Variants in COG3 observed in about 807,000 individuals in gnomAD.
The protein encoded by COG3 is conserved oligomeric Golgi complex subunit 3.
Under a neutral mutation model 114.1 loss-of-function variants are expected in COG3, and 32 were observed. The ratio of observed to expected loss-of-function variants is 0.28; its 90% CI spans 0.21 to 0.38. The LOEUF (loss-of-function observed/expected upper bound fraction) is 0.38. COG3 is among the 10% of genes least tolerant of loss of function. The probability of loss-of-function intolerance (pLI) is 1.00; values close to 1 mark genes in which losing one functional copy is unlikely to be tolerated. For missense variants in COG3, 813 were observed against 973.2 expected (o/e 0.84, Z 2.19); for synonymous variants, 352 against 365.7 (o/e 0.96, Z 0.43).
rs991887383 is a variant in COG3 at position 45,496,097 on chromosome 13, AAAAG to A, written c.1328-50_1328-47del. The A allele has an allele frequency of 4.6e-6, 7 of 1,535,858 alleles. No homozygotes were observed. In the Admixed American group the frequency reaches 1.3e-4, roughly 28 times the overall value. On this transcript the variant is annotated intron_variant, in intron 12 of 22. Coordinates refer to ENST00000349995, the MANE Select transcript of COG3 (RefSeq NM_031431.4). Reference sequence around the variant, plus strand: ...AATTTAGTAACATCTTTGCTTGTTTAAAAGAAAGTGTTTTTCTAAATCTAAAAGA... The same window carrying A: ...AATTTAGTAACATCTTTGCTTGTTTAAAAGTGTTTTTCTAAATCTAAAAGA...
chr13:45,483,774 A>G (rs566806341), intron 7 of COG3, among the ~76,000 whole-genome samples: 2 of 152,316 alleles, frequency 1.3e-5, no homozygotes, highest in Non-Finnish European at 2.9e-5. Context: ...ATAATGCATA[A>G]TTTAAATTTT....
intron 16 of COG3, 82 bp from the exon 17 acceptor site, chr13:45,516,061 T>C (rs532515613): frequency 9.9e-7 from 1 of 1,005,470 alleles, no homozygotes; most frequent in Admixed American, 2.9e-5. Context: ...GGTAGATTAA[T>C]GTTGATTAAT....
chr13:45,510,183 G>T (rs1301899304), intron 15 of COG3, among the ~76,000 whole-genome samples: 1 of 152,184 alleles, frequency 6.6e-6, no homozygotes, highest in East Asian at 1.9e-4. Context: ...GGTTCAAAAG[G>T]AGTATGCATT....
chr13:45,533,428 A>AT (rs1873342512), intron 22 of COG3, among the ~76,000 whole-genome samples: 1 of 151,734 alleles, frequency 6.6e-6, no homozygotes, highest in South Asian at 2.1e-4. Flanking sequence ...CATTTTTCTC[A>AT]TTTTTTCCCT....
In COG3 at chr13:45,496,269, C is replaced by T. The variant is rs146781317; in HGVS notation, c.1445C>T (p.Ala482Val). Residue 482 changes from alanine to valine, a missense_variant, in exon 13 of 23, where the codon GCT (alanine) becomes GTT (valine). Ala to Val is a moderately conservative substitution (Grantham distance 64, BLOSUM62 0). Transcript: ENST00000349995. ...IQTDITGYKPAPGDLAYPDKL... is the reference protein window; with the variant it reads ...IQTDITGYKPVPGDLAYPDKL... ...ACGGACATCACGGGCTATAAACCAG[C>T]TCCTGGAGATCTGGCATATCCCGAT... The T allele has an allele frequency of 8.0e-5, 129 of 1,609,630 alleles. No homozygotes were observed. Among genetic ancestry groups the T allele is most frequent in the Non-Finnish European group, 1.9e-5 (22 of 1,177,478 alleles).
At chr13:45,531,131 A>T in intron 22 of COG3, 1 of 949,496 alleles carries the variant, frequency 1.1e-6, no homozygotes, top group Non-Finnish European at 1.3e-6. Flanking sequence ...TTTTTAAAAA[A>T]ATTTTTGATT....
intron 8 of COG3, among the ~76,000 whole-genome samples, chr13:45,490,330 G>A (rs1189085323): frequency 5.3e-5 from 8 of 152,198 alleles, no homozygotes; most frequent in African/African-American, 1.9e-4. Flanking sequence ...TATTACACCA[G>A]TTTTATACAG....
intron 5 of COG3, 118 bp from the exon 6 acceptor site, chr13:45,482,263 A>G: frequency 1.9e-6 from 1 of 516,592 alleles, no homozygotes; most frequent in Admixed American, 3.9e-5. Context: ...GACTTTTAAA[A>G]TTTATTATAA....
intron 7 of COG3, among the ~76,000 whole-genome samples, chr13:45,486,113 C>T (rs1312262720): frequency 2.3e-5 from 3 of 133,278 alleles, no homozygotes; most frequent in African/African-American, 6.7e-5. Context: ...GGCTGGAGAC[C>T]GGCCCGGCCA....
chr13:45,502,204 A>T (rs571637747), intron 13 of COG3, among the ~76,000 whole-genome samples: 3 of 152,156 alleles, frequency 2.0e-5, no homozygotes, highest in Non-Finnish European at 4.4e-5. Context: ...GATCTAGTGA[A>T]TGGTGCTCCC....
rs1021230241 is a variant in COG3 at position 45,511,746 on chromosome 13, T to C, written c.1720-19T>C. On this transcript the variant is annotated intron_variant, in intron 15 of 22. Coordinates refer to ENST00000349995, the MANE Select transcript of COG3 (RefSeq NM_031431.4). ...TTTGTCAAATGCCACAGGCTGATTA[T>C]TCTCTTTTATTCCACCAGAGGGCAG... The C allele has an allele frequency of 1.3e-6, 2 of 1,595,926 alleles. No individual in the cohort carries two copies. Among genetic ancestry groups the C allele is most frequent in the African/African-American group, 2.7e-5 (2 of 74,548 alleles).
At chr13:45,511,997 A>G in intron 16 of COG3, 143 bp downstream of exon 16, 2 of 646,302 alleles carry the variant, frequency 3.1e-6, no homozygotes, top group South Asian at 1.8e-5. Context: ...TTTGAGAGAA[A>G]CTGTTATTTC....
chr13:45,492,483 G>A (rs1887074753), intron 11 of COG3, among the ~76,000 whole-genome samples: 1 of 152,064 alleles, frequency 6.6e-6, no homozygotes, highest in Non-Finnish European at 1.5e-5. Flanking sequence ...TAGATATTAT[G>A]GTGTGATAGG....
At position 45,465,127 on chromosome 13, in the gene COG3, A is replaced by T; in HGVS notation, c.91A>T (p.Thr31Ser). 6.2e-7 allele frequency: 1 copy of T among 1,613,410 alleles called. No homozygotes were observed. Among genetic ancestry groups the T allele is most frequent in the Non-Finnish European group, 8.5e-7 (1 of 1,179,880 alleles). The change falls in exon 1 of 23, where the codon ACG (threonine) becomes TCG (serine). Residue 31 changes from threonine to serine, a missense_variant. Physicochemically the swap from Thr to Ser is moderately conservative, Grantham distance 58 (BLOSUM62 1). Coordinates refer to ENST00000349995, the MANE Select transcript of COG3 (RefSeq NM_031431.4). ...KLALWDRRPDTTAPLTDRQTD... is the reference protein window; with the variant it reads ...KLALWDRRPDSTAPLTDRQTD... Reference sequence around the variant, plus strand: ...GGCTCTCTGGGATCGGAGACCGGACACGACGGCGCCGCTGACCGACAGGCA... The same window carrying T: ...GGCTCTCTGGGATCGGAGACCGGACTCGACGGCGCCGCTGACCGACAGGCA...
intron 14 of COG3, among the ~76,000 whole-genome samples, chr13:45,508,934 T>G (rs553694100): frequency 2.3e-4 from 35 of 152,276 alleles, no homozygotes; most frequent in Non-Finnish European, 4.7e-4. Flanking sequence ...CAGGTGAACC[T>G]AATTTGATTA....
At chr13:45,475,093 C>CA (rs1885777531) in intron 1 of COG3, among the ~76,000 whole-genome samples, 2 of 152,150 alleles carry the variant, frequency 1.3e-5, no homozygotes, top group Admixed American at 1.3e-4. Context: ...TCTTCCTATT[C>CA]AGTTTTAATT....
rs1173879128 is a variant in COG3 at position 45,489,347 on chromosome 13, A to G, written c.925-1568A>G. On this transcript the variant is annotated intron_variant, in intron 8 of 22. Coordinates refer to ENST00000349995, the MANE Select transcript of COG3 (RefSeq NM_031431.4). Reference sequence around the variant, plus strand: ...ACTTAGTTTTGTTTATAGAATATATATGTGGAATATGTATACAACCTAGAT... The same window carrying G: ...ACTTAGTTTTGTTTATAGAATATATGTGTGGAATATGTATACAACCTAGAT... Among the ~76,000 whole-genome samples the G allele has an allele frequency of 2.1e-5, 3 of 145,540 alleles. No individual in the cohort carries two copies. The East Asian group carries it at 6.5e-4, about 31-fold the overall frequency.
intron 14 of COG3, among the ~76,000 whole-genome samples, chr13:45,506,726 C>T (rs961754582): frequency 2.0e-5 from 3 of 152,042 alleles, no homozygotes; most frequent in Non-Finnish European, 4.4e-5. Flanking sequence ...TGGAGCAAAA[C>T]CAAAAAGAAT....
chr13:45,530,854 G>A (rs1380213586), intron 22 of COG3, 74 bp downstream of exon 22: 12 of 1,466,312 alleles, frequency 8.2e-6, no homozygotes, highest in Non-Finnish European at 1.0e-5. Context: ...TAATGTCTTT[G>A]AGCAAACATA....
Sources: gnomAD v4.1 joint callset for allele counts (sites outside exome capture counted in the v4.1 genomes callset) on GRCh38, gnomAD v4.1.1 for gene constraint, MANE v1.5 for transcripts, NCBI Gene and HGNC (gene_info 2026-07-23, HGNC 2026-07-21) for gene names.